The following AGBL4 variants were observed in gnomAD, a reference collection of about 807,000 sequenced individuals.
AGBL4 encodes AGBL carboxypeptidase 4.
Under a neutral mutation model 66.4 loss-of-function variants are expected in AGBL4, and 58 were observed. That is an observed-to-expected ratio of 0.87 (90% CI 0.71 to 1.09). The LOEUF is 1.09. Among genes scored for constraint, AGBL4 ranks in the 50% least tolerant of loss-of-function variants. AGBL4 has a pLI of 0.00. For missense variants in AGBL4, 579 were observed against 631.0 expected, an observed-to-expected ratio of 0.92 and a Z score of 0.88; for synonymous variants, 234 against 222.9, an observed-to-expected ratio of 1.05 and a Z score of -0.44.
At chr1:49,002,045 A>G (rs1410200897) in intron 5 of AGBL4, among the ~76,000 whole-genome samples, 1 of 152,258 alleles carries the variant, frequency 6.6e-6, no homozygotes, top group Non-Finnish European at 1.5e-5. Flanking sequence ...GGACATAGCT[A>G]GAGTGTAATA....
chr1:48,671,951 G>A (rs1421830912), intron 6 of AGBL4, among the ~76,000 whole-genome samples: 1 of 152,176 alleles, frequency 6.6e-6, no homozygotes, highest in African/African-American at 2.4e-5. Flanking sequence ...TCCTCACCAG[G>A]TTTAGTTTCA....
chr1:48,764,771 C>T (rs1644449766), intron 6 of AGBL4, among the ~76,000 whole-genome samples: 1 of 152,154 alleles, frequency 6.6e-6, no homozygotes, highest in Non-Finnish European at 1.5e-5. Context: ...CAATATCTAC[C>T]TCAAGTAGGA....
chr1:48,556,623 A>T (rs1462485411), intron 11 of AGBL4, among the ~76,000 whole-genome samples: 1 of 152,192 alleles, frequency 6.6e-6, no homozygotes, highest in East Asian at 1.9e-4. Flanking sequence ...TTCAGACGTC[A>T]GCTCCACTGC....
chr1:49,387,783 C>G (rs937174130), intron 3 of AGBL4, among the ~76,000 whole-genome samples: 1 of 152,124 alleles, frequency 6.6e-6, no homozygotes, highest in African/African-American at 2.4e-5. Context: ...TTAACGTGAT[C>G]ATATGCAACT....
At chr1:49,223,682 G>T (rs2148282214) in intron 4 of AGBL4, among the ~76,000 whole-genome samples, 1 of 152,290 alleles carries the variant, frequency 6.6e-6, no homozygotes, top group East Asian at 1.9e-4. Flanking sequence ...GGCTCAGGTT[G>T]CATGCCCTTG....
chr1:49,689,309 C>G (rs1362542058), intron 3 of AGBL4, among the ~76,000 whole-genome samples: 1 of 152,156 alleles, frequency 6.6e-6, no homozygotes, highest in Non-Finnish European at 1.5e-5. Context: ...GTTTTCCTAG[C>G]AGCATTTATA....
At chr1:48,769,681 A>G (rs1388888080) in intron 6 of AGBL4, among the ~76,000 whole-genome samples, 1 of 152,116 alleles carries the variant, frequency 6.6e-6, no homozygotes, top group East Asian at 1.9e-4. Flanking sequence ...TTCTCTCAGC[A>G]CCTATTAGTC....
intron 3 of AGBL4, among the ~76,000 whole-genome samples, chr1:49,485,602 T>A (rs1553211392): frequency 1.3e-5 from 2 of 149,844 alleles, no homozygotes; most frequent in Non-Finnish European, 3.0e-5. Context: ...AAACTTAAAG[T>A]ATAATAATAA....
At chr1:49,649,913 G>A (rs545622800) in intron 3 of AGBL4, among the ~76,000 whole-genome samples, 1 of 151,950 alleles carries the variant, frequency 6.6e-6, no homozygotes, top group Non-Finnish European at 1.5e-5. Flanking sequence ...AAAATATCAA[G>A]AGAATATAAG....
intron 2 of AGBL4, among the ~76,000 whole-genome samples, chr1:49,743,174 G>A (rs955120363): frequency 9.9e-5 from 15 of 151,822 alleles, no homozygotes; most frequent in East Asian, 3.9e-4. Flanking sequence ...GCTAACATCC[G>A]GAATCTACAA....
chr1:48,638,225 AT>A (rs1161599851), intron 8 of AGBL4, among the ~76,000 whole-genome samples: 5 of 152,140 alleles, frequency 3.3e-5, no homozygotes, highest in African/African-American at 1.2e-4. Context: ...TACTTCCTCC[AT>A]CCTTCTCAGC....
intron 3 of AGBL4, among the ~76,000 whole-genome samples, chr1:49,686,889 C>A (rs1320946922): frequency 2.6e-5 from 4 of 152,166 alleles, no homozygotes; most frequent in Non-Finnish European, 5.9e-5. Flanking sequence ...CCAACCCTGG[C>A]AGTCTGACTC....
chr1:48,668,940 AT>A (rs753655385), intron 6 of AGBL4, among the ~76,000 whole-genome samples: 28 of 152,330 alleles, frequency 1.8e-4, no homozygotes, highest in Non-Finnish European at 3.1e-4. Flanking sequence ...TTGGGTAGAT[AT>A]GTGACTTGAT....
intron 3 of AGBL4, among the ~76,000 whole-genome samples, chr1:49,436,486 A>G (rs1017891101): frequency 1.3e-5 from 2 of 152,196 alleles, no homozygotes; most frequent in Admixed American, 6.5e-5. Flanking sequence ...TTAGAGGCAC[A>G]TAATATTTTT....
At chr1:49,855,165 A>T (rs1350171454) in intron 1 of AGBL4, among the ~76,000 whole-genome samples, 6 of 152,166 alleles carry the variant, frequency 3.9e-5, no homozygotes, top group Non-Finnish European at 7.4e-5. Flanking sequence ...ACAAATACAA[A>T]CAAAAAGGTT....
intron 3 of AGBL4, among the ~76,000 whole-genome samples, chr1:49,511,623 T>TA (rs1025287105): frequency 2.0e-5 from 3 of 151,068 alleles, no homozygotes; most frequent in Admixed American, 6.6e-5. Flanking sequence ...AATTTTTTTT[T>TA]AAAAAAATTG....
intron 2 of AGBL4, among the ~76,000 whole-genome samples, chr1:49,750,639 A>G (rs937200131): frequency 1.3e-5 from 2 of 152,108 alleles, no homozygotes; most frequent in Non-Finnish European, 2.9e-5. Context: ...GTCAATGGTA[A>G]CTTGATGGGA....
chr1:48,826,939 T>C (rs775425458), intron 6 of AGBL4, among the ~76,000 whole-genome samples: 5 of 152,118 alleles, frequency 3.3e-5, no homozygotes, highest in Non-Finnish European at 7.4e-5. Flanking sequence ...AGTCCTCAAA[T>C]AGGCTCTGCA....
At chr1:48,715,988 C>T (rs1042766317) in intron 6 of AGBL4, among the ~76,000 whole-genome samples, 3 of 152,104 alleles carry the variant, frequency 2.0e-5, no homozygotes, top group South Asian at 2.1e-4. Context: ...AGCAAGCCAA[C>T]GGGATAACAG....
Sources: allele counts gnomAD v4.1 joint callset (sites outside exome capture counted in the v4.1 genomes callset), GRCh38; gene constraint gnomAD v4.1.1; transcripts MANE v1.5; gene names NCBI Gene and HGNC (gene_info 2026-07-23, HGNC 2026-07-21).